APBB2: variants seen among roughly 807,000 people sequenced by gnomAD.
APBB2 encodes the protein amyloid beta precursor protein binding family B member 2, also known as Fe65-like 1.
In APBB2, 38 loss-of-function variants were observed where a neutral mutation model predicts 82.5. The observed-to-expected ratio is 0.46, with a 90% CI of 0.36 to 0.60. The LOEUF (loss-of-function observed/expected upper bound fraction) is 0.60, where lower values mean the gene tolerates loss of function less well. APBB2 is among the 20% of genes least tolerant of loss of function. The pLI, the probability that APBB2 is intolerant of heterozygous loss-of-function variation, is 0.00. For missense variants in APBB2, 772 were observed against 972.3 expected (o/e 0.79, Z 2.74); for synonymous variants, 341 against 368.2 (o/e 0.93, Z 0.85).
At chr4:40,853,930 T>A (rs188670731) in intron 12 of APBB2, among the ~76,000 whole-genome samples, 1 of 152,278 alleles carries the variant, frequency 6.6e-6, no homozygotes, top group East Asian at 1.9e-4. Flanking sequence ...ATAACCTGTA[T>A]CATCTTGCTT....
At chr4:40,904,428 C>CAAATAAATAAAT (rs71198612) in intron 10 of APBB2, among the ~76,000 whole-genome samples, 165 of 144,284 alleles carry the variant, frequency 1.1e-3, no homozygotes, top group South Asian at 1.3e-3. Context: ...GAGACTCCAT[C>CAAATAAATAAAT]AAATAAATAA....
intron 4 of APBB2, among the ~76,000 whole-genome samples, chr4:41,036,112 T>C (rs1402885759): frequency 1.3e-5 from 2 of 152,152 alleles, no homozygotes; most frequent in Non-Finnish European, 2.9e-5. Context: ...GAGCTATGAT[T>C]GCACCATTGC....
intron 6 of APBB2, among the ~76,000 whole-genome samples, chr4:40,983,427 A>G (rs1457364156): frequency 6.6e-6 from 1 of 152,230 alleles, no homozygotes; most frequent in African/African-American, 2.4e-5. Flanking sequence ...AAATATTGGG[A>G]AATAGCAGAT....
intron 12 of APBB2, chr4:40,880,489 A>T: frequency 1.0e-6 from 1 of 985,470 alleles, no homozygotes; most frequent in Middle Eastern, 5.2e-4. Context: ...TGCACTGAAC[A>T]TCTGCATAAG....
intron 2 of APBB2, among the ~76,000 whole-genome samples, chr4:41,131,770 TG>T (rs1419062078): frequency 1.3e-5 from 2 of 152,196 alleles, no homozygotes; most frequent in Non-Finnish European, 2.9e-5. Context: ...CCGGGCACAG[TG>T]GATCACGTCT....
chr4:40,846,395 C>A (rs1032119702), intron 12 of APBB2, among the ~76,000 whole-genome samples: 16 of 150,490 alleles, frequency 1.1e-4, no homozygotes, highest in Non-Finnish European at 2.2e-4. Context: ...GGGGGCAGAG[C>A]TGGAACAGTT....
At chr4:40,942,631 C>T (rs982407173) in intron 7 of APBB2, among the ~76,000 whole-genome samples, 4 of 151,598 alleles carry the variant, frequency 2.6e-5, no homozygotes, top group South Asian at 2.1e-4. Context: ...GTGAGGAGGC[C>T]GAGCAGCGGG....
chr4:41,139,622 T>C (rs1238034685), intron 2 of APBB2, among the ~76,000 whole-genome samples: 2 of 152,114 alleles, frequency 1.3e-5, no homozygotes, highest in Admixed American at 6.6e-5. Flanking sequence ...TGAAAAGACA[T>C]GGAGGAAACT....
intron 10 of APBB2, among the ~76,000 whole-genome samples, chr4:40,902,517 A>G (rs1560842141): frequency 6.6e-6 from 1 of 152,020 alleles, no homozygotes; most frequent in Non-Finnish European, 1.5e-5. Context: ...AGAAAGTCTG[A>G]CCCAGGTTTT....
At chr4:41,092,125 A>G (rs1741928134) in intron 3 of APBB2, among the ~76,000 whole-genome samples, 1 of 152,250 alleles carries the variant, frequency 6.6e-6, no homozygotes, top group African/African-American at 2.4e-5. Flanking sequence ...GACATGCATC[A>G]AGGGCTGTAA....
chr4:41,036,664 G>A (rs529107153), intron 4 of APBB2, among the ~76,000 whole-genome samples: 2 of 152,318 alleles, frequency 1.3e-5, no homozygotes, highest in African/African-American at 4.8e-5. Flanking sequence ...CCAGACTGGA[G>A]AGTCAGGAAA....
intron 10 of APBB2, among the ~76,000 whole-genome samples, chr4:40,930,455 G>A (rs1412492767): frequency 1.0e-4 from 8 of 78,062 alleles, no homozygotes; most frequent in African/African-American, 1.9e-4. Context: ...GTGTGCGCGC[G>A]CGCGCGCGCG....
intron 6 of APBB2, among the ~76,000 whole-genome samples, chr4:40,999,636 T>G (rs1205605924): frequency 6.6e-6 from 1 of 152,164 alleles, no homozygotes; most frequent in Non-Finnish European, 1.5e-5. Flanking sequence ...TTTCTACAAC[T>G]GAAAATTAGA....
chr4:40,835,007 G>A (rs530586247), intron 12 of APBB2, among the ~76,000 whole-genome samples: 53 of 152,302 alleles, frequency 3.5e-4, no homozygotes, highest in African/African-American at 1.2e-3. Flanking sequence ...GTCCGGGCGC[G>A]GTGGCTCATG....
In APBB2 at chr4:41,190,235, T is replaced by C. The variant is rs555432691; in HGVS notation, c.-417+24170A>G. On this transcript the variant is annotated intron_variant, in intron 1 of 17. Transcript: ENST00000508593. ...TACTATATCAAAAGAATTTCCTACATAGGCTATTTTTTTTTTTTTTTTTTT... is the reference window on the plus strand; with the variant it reads ...TACTATATCAAAAGAATTTCCTACACAGGCTATTTTTTTTTTTTTTTTTTT... Among the ~76,000 whole-genome samples, 704 of 145,888 alleles carry C rather than the reference T, an allele frequency of 4.8e-3. 7 individuals carry two copies. Among genetic ancestry groups the C allele is most frequent in the African/African-American group, 0.018 (673 of 38,442 alleles).
At chr4:41,194,323 A>G in intron 1 of APBB2, among the ~76,000 whole-genome samples, 1 of 152,214 alleles carries the variant, frequency 6.6e-6, no homozygotes, top group Non-Finnish European at 1.5e-5. Flanking sequence ...CTCTCTCTCA[A>G]AAAAGAAAAG....
chr4:41,039,397 A>G (rs1422160557), intron 4 of APBB2, among the ~76,000 whole-genome samples: 1 of 152,148 alleles, frequency 6.6e-6, no homozygotes, highest in East Asian at 1.9e-4. Context: ...TGACACTTAA[A>G]TCCTGTATGA....
chr4:41,102,365 A>C (rs1745763914), intron 2 of APBB2, among the ~76,000 whole-genome samples: 1 of 152,040 alleles, frequency 6.6e-6, no homozygotes, highest in South Asian at 2.1e-4. Context: ...ACATGCATTA[A>C]CTCTACTTCA....
At chr4:41,162,248 T>C (rs1198323623) in intron 1 of APBB2, among the ~76,000 whole-genome samples, 1 of 151,610 alleles carries the variant, frequency 6.6e-6, no homozygotes, top group Non-Finnish European at 1.5e-5. Context: ...TATACATAGA[T>C]TGTGTATTGA....
Sources: gnomAD v4.1 joint callset for allele counts (sites outside exome capture counted in the v4.1 genomes callset) on GRCh38, gnomAD v4.1.1 for gene constraint, MANE v1.5 for transcripts, NCBI Gene and HGNC (gene_info 2026-07-23, HGNC 2026-07-21) for gene names.